Variants in TRAPPC10 observed in about 807,000 individuals in gnomAD.
The protein encoded by TRAPPC10 is TRAPP 130 kDa subunit.
TRAPPC10 carries 23 observed loss-of-function variants against 125.5 expected under a neutral mutation model. That is an observed-to-expected ratio of 0.18 (90% CI 0.13 to 0.26). The LOEUF is 0.26. Ranked by LOEUF, TRAPPC10 falls within the 10% of genes least tolerant of loss-of-function variation. The pLI, the probability that TRAPPC10 is intolerant of heterozygous loss-of-function variation, is 1.00. For synonymous variants in TRAPPC10, 509 were observed against 518.0 expected (o/e 0.98, Z 0.24); for missense variants, 1,123 against 1,308.4 (o/e 0.86, Z 2.19).
chr21:44,090,568 C>A (rs1256181266), intron 18 of TRAPPC10, among the ~76,000 whole-genome samples: 1 of 152,182 alleles, frequency 6.6e-6, no homozygotes, highest in South Asian at 2.1e-4. Flanking sequence ...AAAACAGCTG[C>A]CCTAAAGGCT....
At position 44,063,850 on chromosome 21, in the gene TRAPPC10, G is replaced by A; in HGVS notation, c.1038+65G>A. ...GTTCCAGCAGAAATCTCTGAACCTT[G>A]AGATCCCAGGCATTGAACTGTTTGT... On this transcript the variant is annotated intron_variant, in intron 7 of 22. Transcript: ENST00000291574. This position sits in a 1 kb window ranked among gnomAD's most constrained non-coding sequence, Gnocchi z 4.4. 1 of 1,556,480 alleles carries A rather than the reference G, an allele frequency of 6.4e-7. No individual in the cohort carries two copies. Among genetic ancestry groups the A allele is most frequent in the Non-Finnish European group, 8.7e-7 (1 of 1,154,006 alleles).
At chr21:44,060,915 T>TACATACACACACACACACAC (rs60633801) in intron 6 of TRAPPC10, among the ~76,000 whole-genome samples, 5 of 132,188 alleles carry the variant, frequency 3.8e-5, no homozygotes, top group East Asian at 4.6e-4. Context: ...CATACATACA[T>TACATACACACACACACACAC]ACACACACAC....
rs139834406 is a variant in TRAPPC10 at position 44,035,271 on chromosome 21, C to T, written c.150-2521C>T. Among the ~76,000 whole-genome samples, 18 of 152,326 alleles carry T rather than the reference C, an allele frequency of 1.2e-4. No individual in the cohort carries two copies. In the East Asian group the frequency reaches 3.3e-3, roughly 28 times the overall value. ...ATGTGATGCCCTCTGCGGGTTTTGA[C>T]ATACCAAGAAGGCCCTCACCAGATG... On this transcript the variant is annotated intron_variant, in intron 2 of 22. Transcript: ENST00000291574.
Position 44,059,134 on chromosome 21 carries a change from A to G in TRAPPC10, c.710A>G (p.Gln237Arg), listed in dbSNP as rs1363370685. The change falls in exon 6 of 23, where the codon CAG becomes CGG. Residue 237 changes from glutamine (Q) to arginine (R), a missense_variant. Physicochemically the swap from Gln to Arg is conservative, Grantham distance 43. This residue lies in a region of TRAPPC10 where 91 missense variants were observed against 127.1 expected (regional missense o/e 0.72). Coordinates refer to ENST00000291574, the MANE Select transcript of TRAPPC10 (RefSeq NM_003274.5). The surrounding 1 kb of genome is among the most constrained non-coding windows in gnomAD (Gnocchi z 4.4). ...CTTGCCTTTGTTTTCGAGATGCTGC[A>G]GCAGTTCGAGGACGCCCTGGTGCAG... is the stretch of plus-strand genomic sequence containing the variant. ...EELAFVFEML[Q>R]QFEDALVQYD... 4.4e-6 allele frequency: 7 copies of G among 1,603,976 alleles called. No individual in the cohort carries two copies. Among genetic ancestry groups the G allele is most frequent in the Non-Finnish European group, 6.0e-6 (7 of 1,175,936 alleles).
In TRAPPC10 at chr21:44,012,578, G is replaced by A; in HGVS notation, c.67+18G>A. The A allele has an allele frequency of 6.5e-7, 1 of 1,530,762 alleles. No homozygotes were observed. Among genetic ancestry groups the A allele is most frequent in the Non-Finnish European group, 8.8e-7 (1 of 1,135,964 alleles). 94.8% of individuals were successfully genotyped at this position (1,530,762 alleles called of 1,614,324 possible). ...CGTCACCTGTGAGTGCCCGGAGGCG[G>A]GGAGGGCGCGGCGGTCGTTGGGCGG... On this transcript the variant is annotated intron_variant, in intron 1 of 22. Transcript: ENST00000291574.
At chr21:44,034,817 A>T (rs1023293842) in intron 2 of TRAPPC10, among the ~76,000 whole-genome samples, 4 of 152,184 alleles carry the variant, frequency 2.6e-5, no homozygotes, top group African/African-American at 9.6e-5. Context: ...CCTTGTGAAG[A>T]TGGAGGTAGA....
chr21:44,065,101 G>A (rs186735016), intron 7 of TRAPPC10, among the ~76,000 whole-genome samples: 2 of 152,150 alleles, frequency 1.3e-5, no homozygotes, highest in Admixed American at 6.5e-5. Context: ...TAGCCGGGAG[G>A]GGGGAAAATT....
At chr21:44,056,911 T>G (rs369270871) in intron 5 of TRAPPC10, among the ~76,000 whole-genome samples, 4 of 152,138 alleles carry the variant, frequency 2.6e-5, no homozygotes, top group African/African-American at 9.7e-5. Context: ...TGGCAATGTT[T>G]AGGAAGCTGA....
At chr21:44,016,283 T>G (rs1207358058) in intron 1 of TRAPPC10, among the ~76,000 whole-genome samples, 1 of 152,226 alleles carries the variant, frequency 6.6e-6, no homozygotes, top group Non-Finnish European at 1.5e-5. Context: ...AGACTTGGGT[T>G]TCTGTTCCAA....
chr21:44,086,756 T>A lies in TRAPPC10; in HGVS notation c.2381-46T>A, dbSNP rs370127564. ...CCCCATTGCGGGCCCTGAGATGCTG[T>A]CTTCCGGTTGGCAGCGGTGCTGAGC... On this transcript the variant is annotated intron_variant, in intron 15 of 22. Coordinates refer to ENST00000291574, the MANE Select transcript of TRAPPC10 (RefSeq NM_003274.5). 2.6e-5 allele frequency: 41 copies of A among 1,604,762 alleles called. No individual in the cohort carries two copies. In the African/African-American group the frequency reaches 4.4e-4, roughly 17 times the overall value.
At chr21:44,019,884 C>T (rs527525349) in intron 1 of TRAPPC10, among the ~76,000 whole-genome samples, 4 of 152,148 alleles carry the variant, frequency 2.6e-5, no homozygotes, top group East Asian at 1.9e-4. Flanking sequence ...TACTCCTGAC[C>T]GAGGGAATGT....
In TRAPPC10 at chr21:44,059,096, C is replaced by T. The variant is rs943138461; in HGVS notation, c.679-7C>T. The T allele has an allele frequency of 6.2e-5, 98 of 1,577,982 alleles. No individual in the cohort carries two copies. The highest frequency in any genetic ancestry group is 3.1e-4 in the Admixed American group (16 of 51,564). ...GTTTTTTTAAAAAACGTATCTTGGG[C>T]GAATAGGAGGAGCTTGCCTTTGTTT... On this transcript the variant is annotated splice_region_variant and splice_polypyrimidine_tract_variant and intron_variant, in intron 5 of 22. Coordinates refer to ENST00000291574, the MANE Select transcript of TRAPPC10 (RefSeq NM_003274.5). The surrounding 1 kb of genome is among the most constrained non-coding windows in gnomAD (Gnocchi z 4.4).
chr21:44,013,372 G>A (rs2031400957), intron 1 of TRAPPC10, among the ~76,000 whole-genome samples: 1 of 152,236 alleles, frequency 6.6e-6, no homozygotes, highest in South Asian at 2.1e-4. Flanking sequence ...TTGTTGGTTG[G>A]CTTTTAGGTG....
intron 1 of TRAPPC10, among the ~76,000 whole-genome samples, chr21:44,024,050 C>T (rs1274508417): frequency 2.0e-5 from 3 of 152,188 alleles, no homozygotes; most frequent in African/African-American, 7.2e-5. Context: ...CCTCCCAAAG[C>T]ATTGGGATTA....
chr21:44,084,723 TC>T lies in TRAPPC10; in HGVS notation c.2380+467del, dbSNP rs528883060. On this transcript the variant is annotated intron_variant, in intron 15 of 22. Coordinates refer to ENST00000291574, the MANE Select transcript of TRAPPC10 (RefSeq NM_003274.5). ...GGTGAGGGCTCAGTCCCCAAGACAGTCCCCCCCTTCCCATGCCAGCCACCAG... is the reference window on the plus strand; with the variant it reads ...GGTGAGGGCTCAGTCCCCAAGACAGTCCCCCCTTCCCATGCCAGCCACCAG... 1.8e-3 allele frequency among the ~76,000 whole-genome samples: 272 copies of T among 152,034 alleles called. 1 individual carries two copies. Among genetic ancestry groups the T allele is most frequent in the Middle Eastern group, 6.8e-3 (2 of 294 alleles).
chr21:44,028,724 A>T (rs1307065343), intron 1 of TRAPPC10, among the ~76,000 whole-genome samples: 1 of 152,218 alleles, frequency 6.6e-6, no homozygotes, highest in Non-Finnish European at 1.5e-5. Flanking sequence ...AAAAGGCCTG[A>T]GTTGTCTCTT....
chr21:44,073,947 A>G (rs1160789359), intron 7 of TRAPPC10, among the ~76,000 whole-genome samples: 1 of 151,774 alleles, frequency 6.6e-6, no homozygotes, highest in African/African-American at 2.4e-5. Flanking sequence ...GGAGTAAATG[A>G]TCATATTTGG....
rs34356064 is a variant in TRAPPC10 at position 44,044,660 on chromosome 21, CTT to C, written c.285+6755_285+6756del. On this transcript the variant is annotated intron_variant, in intron 3 of 22. Coordinates refer to ENST00000291574, the MANE Select transcript of TRAPPC10 (RefSeq NM_003274.5). ...GAGAGATTAAAATAGAAAATCATGT[CTT>C]TTTTTTTTTTTTTTTTTTTTTGAGA... is the stretch of plus-strand genomic sequence containing the variant. 8.3e-3 allele frequency among the ~76,000 whole-genome samples: 717 copies of C among 86,342 alleles called. 6 individuals are homozygous for C. The highest frequency in any genetic ancestry group is 0.038 in the African/African-American group (673 of 17,918). The allele number at this position is 86,342 out of a possible 152,430, so 56.6% of individuals were successfully genotyped here. A position where few individuals can be genotyped will look rare whatever the true frequency, so the allele number is the denominator to read the frequency against.
rs190921839 is a variant in TRAPPC10 at position 44,055,719 on chromosome 21, C to T, written c.504C>T (p.Pro168=). ...GCAGGTGTGTTGTGCTCTCCGACCC[C>T]TTGAAGGACTCTTCTCGAACTCAGG... ...QSDRCVVLSD[P]LKDSSRTQES... Residue 168 remains proline, a synonymous_variant, in exon 5 of 23, where the codon CCC becomes CCT. Transcript: ENST00000291574. 1.4e-5 allele frequency: 22 copies of T among 1,610,732 alleles called. No individual in the cohort carries two copies. In the East Asian group the frequency reaches 4.2e-4, roughly 31 times the overall value.
Sources: gnomAD v4.1 joint callset for allele counts (sites outside exome capture counted in the v4.1 genomes callset) on GRCh38, gnomAD v4.1.1 for gene constraint, gnomAD v4.1.1 regional missense constraint, Gnocchi (gnomAD v3.1) non-coding constraint, MANE v1.5 for transcripts, NCBI Gene and HGNC (gene_info 2026-07-23, HGNC 2026-07-21) for gene names.